FSTL4: variants seen among roughly 807,000 people sequenced by gnomAD.
FSTL4 encodes the protein follistatin like 4, also known as follistatin-related protein 4.
In FSTL4, 28 loss-of-function variants were observed where a neutral mutation model predicts 78.2. That is an observed-to-expected ratio of 0.36 (90% CI 0.27 to 0.49). The LOEUF is 0.49. FSTL4 is among the 20% of genes least tolerant of loss of function. The pLI is 0.98. For synonymous variants in FSTL4, 422 were observed against 440.5 expected, an observed-to-expected ratio of 0.96 and a Z score of 0.53; for missense variants, 922 against 1,084.9, an observed-to-expected ratio of 0.85 and a Z score of 2.11.
At chr5:133,480,866 C>G (rs1418758129) in intron 3 of FSTL4, among the ~76,000 whole-genome samples, 1 of 152,160 alleles carries the variant, frequency 6.6e-6, no homozygotes, top group Non-Finnish European at 1.5e-5. Context: ...TGAGATTTCT[C>G]CCTAAGGCTT....
intron 3 of FSTL4, among the ~76,000 whole-genome samples, chr5:133,540,834 AT>A (rs1759455434): frequency 1.3e-5 from 2 of 151,826 alleles, no homozygotes; most frequent in African/African-American, 4.8e-5. Flanking sequence ...TATTTAGCAT[AT>A]TTCCTATCTT....
At chr5:133,202,995 T>G (rs1415398298) in intron 14 of FSTL4, among the ~76,000 whole-genome samples, 3 of 152,210 alleles carry the variant, frequency 2.0e-5, no homozygotes, top group Non-Finnish European at 4.4e-5. Flanking sequence ...GAAACCCCTG[T>G]GGTCAGGCTG....
chr5:133,626,619 T>G, the FSTL4 span, among the ~76,000 whole-genome samples: 1 of 152,042 alleles, frequency 6.6e-6, no homozygotes, highest in African/African-American at 2.4e-5. Flanking sequence ...ATTTTTTTAT[T>G]TCCTTTGAGA....
chr5:133,277,538 A>T (rs920348365), intron 6 of FSTL4, among the ~76,000 whole-genome samples: 2 of 152,246 alleles, frequency 1.3e-5, no homozygotes, highest in Non-Finnish European at 2.9e-5. Context: ...AAATATTATC[A>T]TAGAAAACAT....
At chr5:133,673,148 G>A in the FSTL4 span, among the ~76,000 whole-genome samples, 12 of 152,372 alleles carry the variant, frequency 7.9e-5, no homozygotes, top group South Asian at 2.1e-3. Context: ...ATCTCAGTGA[G>A]CAAAGGAGTG....
chr5:133,760,363 T>C, the FSTL4 span, among the ~76,000 whole-genome samples: 1 of 152,228 alleles, frequency 6.6e-6, no homozygotes, highest in African/African-American at 2.4e-5. Context: ...AGTCACTGAC[T>C]GGCTACTGAC....
At chr5:133,305,924 G>C (rs1448772236) in intron 6 of FSTL4, among the ~76,000 whole-genome samples, 1 of 152,218 alleles carries the variant, frequency 6.6e-6, no homozygotes, top group Non-Finnish European at 1.5e-5. Context: ...TCCCTGCCCA[G>C]GAGCTCACCC....
the FSTL4 span, among the ~76,000 whole-genome samples, chr5:133,650,507 T>C: frequency 1.9e-3 from 286 of 152,316 alleles, no homozygotes; most frequent in Admixed American, 2.6e-3. Flanking sequence ...CTACATTCAT[T>C]TTTTTGCACA....
At chr5:133,281,549 C>G (rs77317809) in intron 6 of FSTL4, among the ~76,000 whole-genome samples, 2,818 of 152,124 alleles carry the variant, frequency 0.019, 84 homozygotes, top group African/African-American at 0.065. Flanking sequence ...GCTGAGCTCC[C>G]TAAAAGCTGC....
At chr5:133,664,495 C>G in the FSTL4 span, among the ~76,000 whole-genome samples, 1 of 152,184 alleles carries the variant, frequency 6.6e-6, no homozygotes, top group Non-Finnish European at 1.5e-5. Context: ...AGAAGCAAAG[C>G]TCTGTAAACA....
chr5:133,727,199 G>T, the FSTL4 span, among the ~76,000 whole-genome samples: 1 of 152,114 alleles, frequency 6.6e-6, no homozygotes, highest in Non-Finnish European at 1.5e-5. Context: ...AGCTCCAGCA[G>T]GCAGCAAACT....
intron 14 of FSTL4, among the ~76,000 whole-genome samples, chr5:133,202,251 A>C: frequency 6.6e-6 from 1 of 152,196 alleles, no homozygotes; most frequent in Non-Finnish European, 1.5e-5. Context: ...TGAAAGAGGA[A>C]GTGGTGGGAC....
At chr5:133,208,418 T>A (rs1330996703) in intron 14 of FSTL4, 1 of 152,250 alleles carries the variant, frequency 6.6e-6, no homozygotes, top group Admixed American at 6.5e-5. Flanking sequence ...AGTGAAGAGA[T>A]GTGTCATTTC....
At chr5:133,352,362 A>G (rs892305864) in intron 4 of FSTL4, among the ~76,000 whole-genome samples, 1 of 146,324 alleles carries the variant, frequency 6.8e-6, no homozygotes, top group African/African-American at 2.5e-5. Context: ...ATACACACAC[A>G]TATATATACA....
the FSTL4 span, among the ~76,000 whole-genome samples, chr5:133,631,983 C>T: frequency 6.6e-6 from 1 of 152,008 alleles, no homozygotes; most frequent in South Asian, 2.1e-4. Flanking sequence ...GAACATCACA[C>T]ACCGGGGTCT....
intron 3 of FSTL4, among the ~76,000 whole-genome samples, chr5:133,401,457 A>C (rs868217952): frequency 6.6e-6 from 1 of 152,208 alleles, no homozygotes; most frequent in Non-Finnish European, 1.5e-5. Context: ...TGACTTTTTA[A>C]AAAAGTGGTC....
At chr5:133,760,435 G>A in the FSTL4 span, among the ~76,000 whole-genome samples, 2 of 152,134 alleles carry the variant, frequency 1.3e-5, no homozygotes, top group African/African-American at 4.8e-5. Context: ...ATGCCATAAT[G>A]TAAGAAAATG....
At chr5:133,241,217 T>G (rs1350858201) in intron 7 of FSTL4, among the ~76,000 whole-genome samples, 3 of 152,248 alleles carry the variant, frequency 2.0e-5, no homozygotes, top group African/African-American at 7.2e-5. Context: ...TTTGCTGTAT[T>G]AAACTTTAAC....
the FSTL4 span, among the ~76,000 whole-genome samples, chr5:133,773,010 CTATTAT>C: frequency 6.6e-6 from 1 of 151,508 alleles, no homozygotes; most frequent in Non-Finnish European, 1.5e-5. Context: ...TAAATGTTAA[CTATTAT>C]TATTATTATT....
Sources: allele counts gnomAD v4.1 joint callset (sites outside exome capture counted in the v4.1 genomes callset), GRCh38; gene constraint gnomAD v4.1.1; transcripts MANE v1.5; gene names NCBI Gene and HGNC (gene_info 2026-07-23, HGNC 2026-07-21).